The following TRPS1 variants were observed in gnomAD, a reference collection of about 807,000 sequenced individuals.
TRPS1 encodes zinc finger transcription factor Trps1.
A neutral mutation model predicts 101.2 loss-of-function variants in TRPS1; 6 were observed. The ratio of observed to expected loss-of-function variants is 0.06; its 90% CI spans 0.03 to 0.12. The LOEUF is 0.12. Among genes scored for constraint, TRPS1 ranks in the 10% least tolerant of loss-of-function variants. TRPS1 has a pLI of 1.00. For missense variants in TRPS1, 1,363 were observed against 1,567.0 expected (o/e 0.87, Z 2.20); for synonymous variants, 578 against 589.8 (o/e 0.98, Z 0.29).
intron 4 of TRPS1, among the ~76,000 whole-genome samples, chr8:115,588,242 C>A (rs1296910104): frequency 1.3e-5 from 2 of 152,050 alleles, no homozygotes; most frequent in African/African-American, 4.8e-5. Context: ...ATAAAGTGTT[C>A]TTTTCTATCA....
At chr8:115,659,621 A>G (rs4876611) in intron 1 of TRPS1, among the ~76,000 whole-genome samples, 115,484 of 151,738 alleles carry the variant, frequency 0.76, 44,413 homozygotes, top group Middle Eastern at 0.88. Flanking sequence ...AAAAACAAAT[A>G]CAAAACTTTC....
intron 5 of TRPS1, among the ~76,000 whole-genome samples, chr8:115,512,764 G>A (rs543235332): frequency 2.6e-5 from 4 of 151,706 alleles, no homozygotes; most frequent in African/African-American, 9.6e-5. Context: ...GGTCATGTAA[G>A]ACTACTGCAT....
At chr8:115,454,128 A>T (rs1813954628) in intron 5 of TRPS1, among the ~76,000 whole-genome samples, 1 of 152,084 alleles carries the variant, frequency 6.6e-6, no homozygotes, top group Non-Finnish European at 1.5e-5. Context: ...CCTACACCCC[A>T]CAATTTTACA....
intron 5 of TRPS1, among the ~76,000 whole-genome samples, chr8:115,583,117 A>G (rs1817488029): frequency 6.6e-6 from 1 of 152,230 alleles, no homozygotes. Flanking sequence ...TATCAGATAA[A>G]AAGCCAAGTT....
chr8:115,447,406 C>T (rs937345184), intron 5 of TRPS1, among the ~76,000 whole-genome samples: 2 of 152,058 alleles, frequency 1.3e-5, no homozygotes, highest in African/African-American at 4.8e-5. Flanking sequence ...TTTCTTTAAT[C>T]CTACAAAACA....
chr8:115,661,234 T>G (rs947543915), intron 1 of TRPS1, among the ~76,000 whole-genome samples: 1 of 152,024 alleles, frequency 6.6e-6, no homozygotes, highest in Non-Finnish European at 1.5e-5. Context: ...AACAATTGAT[T>G]CATTATGTTT....
Position 115,414,112 on chromosome 8 carries a change from T to C in TRPS1, c.3796A>G (p.Thr1266Ala). 1.2e-6 allele frequency: 2 copies of C among 1,614,008 alleles called. No homozygotes were observed. Among genetic ancestry groups the C allele is most frequent in the Non-Finnish European group, 1.7e-6 (2 of 1,179,926 alleles). Reference protein sequence around the residue: ...FQCSICQHLCTDKYDFTTHIQ... With the variant: ...FQCSICQHLCADKYDFTTHIQ... ...TGTGTTGTGAAGTCATATTTGTCCG[T>C]GCAAAGATGCTGGCATATGCTGCAC... The change falls in exon 7 of 7, where the codon ACG becomes GCG. Residue 1266 changes from threonine to alanine, a missense_variant. By Grantham distance (58) the Thr-to-Ala change is moderately conservative. Transcript: ENST00000395715. This position sits in a 1 kb window ranked among gnomAD's most constrained non-coding sequence, Gnocchi z 4.8.
At chr8:115,647,307 A>G (rs2178951) in intron 1 of TRPS1, among the ~76,000 whole-genome samples, 69,414 of 151,962 alleles carry the variant, frequency 0.46, 17,875 homozygotes, top group African/African-American at 0.69. Flanking sequence ...TACAGAGGGT[A>G]TAAAAAGCAT....
chr8:115,444,626 C>A (rs1439429633), intron 5 of TRPS1, among the ~76,000 whole-genome samples: 2 of 152,136 alleles, frequency 1.3e-5, no homozygotes, highest in South Asian at 4.1e-4. Flanking sequence ...CAAAGAGCAC[C>A]CTTTTTTGGG....
chr8:115,420,156 C>G (rs1437745558), intron 5 of TRPS1, among the ~76,000 whole-genome samples: 1 of 152,156 alleles, frequency 6.6e-6, no homozygotes, highest in East Asian at 1.9e-4. Flanking sequence ...TTTCTACTTC[C>G]CCCCACCCGA....
intron 3 of TRPS1, among the ~76,000 whole-genome samples, chr8:115,615,044 T>G (rs1027808467): frequency 2.0e-5 from 3 of 152,148 alleles, no homozygotes; most frequent in Non-Finnish European, 4.4e-5. Flanking sequence ...GATAAAAATA[T>G]TTACAACACA....
rs1216398931 is a variant in TRPS1 at position 115,412,229 on chromosome 8, A to C, written c.*1794T>G. The C allele has an allele frequency of 6.6e-6, 1 of 151,386 alleles. No homozygotes were observed. The highest frequency in any genetic ancestry group is 2.4e-5 in the African/African-American group (1 of 41,264). The allele number at this position is 151,386 out of a possible 1,614,324, so 9.4% of individuals were successfully genotyped here. A position where few individuals can be genotyped will look rare whatever the true frequency, so the allele number is the denominator to read the frequency against. Reference sequence around the variant, plus strand: ...AATAAGTGCTACCCTTTTTTTCCTAAGTAGGCATAAAAATATTTTCATTTC... The same window carrying C: ...AATAAGTGCTACCCTTTTTTTCCTACGTAGGCATAAAAATATTTTCATTTC... On this transcript the variant is annotated 3_prime_UTR_variant, in exon 7 of 7. Transcript: ENST00000395715.
At chr8:115,509,822 C>A (rs1159731073) in intron 5 of TRPS1, 1 of 151,916 alleles carries the variant, frequency 6.6e-6, no homozygotes, top group Non-Finnish European at 1.5e-5. Flanking sequence ...TTTATCTTTG[C>A]CTTTATCTCC....
chr8:115,535,955 C>G (rs1374847341), intron 5 of TRPS1, among the ~76,000 whole-genome samples: 1 of 151,916 alleles, frequency 6.6e-6, no homozygotes, highest in African/African-American at 2.4e-5. Flanking sequence ...ACATTGCCCA[C>G]TACTACAAAA....
intron 5 of TRPS1, among the ~76,000 whole-genome samples, chr8:115,435,260 G>A (rs906591363): frequency 8.5e-5 from 13 of 152,116 alleles, no homozygotes; most frequent in Admixed American, 2.6e-4. Context: ...GATGTCAATC[G>A]CATTTCTGGA....
chr8:115,603,881 T>C lies in TRPS1; in HGVS notation c.2088A>G (p.Arg696=), dbSNP rs559562389. ...FITQVEEEIS[R]HYRRAHSCYK... ...CACCCCCCATGCCTCACCTGTAGTG[T>C]CGGGAAATCTCTTCTTCCACTTGGG... is the stretch of plus-strand genomic sequence containing the variant. Residue 696 remains arginine (R), a synonymous_variant, in exon 4 of 7, where the codon CGA becomes CGG. Transcript: ENST00000395715. The C allele has an allele frequency of 1.1e-5, 17 of 1,613,978 alleles. No homozygotes were observed. In the South Asian group the frequency reaches 1.5e-4, roughly 15 times the overall value.
At chr8:115,574,640 A>C (rs912295949) in intron 5 of TRPS1, among the ~76,000 whole-genome samples, 1 of 152,152 alleles carries the variant, frequency 6.6e-6, no homozygotes, top group Non-Finnish European at 1.5e-5. Context: ...TTTGTGCACC[A>C]AACACTTCAC....
chr8:115,536,815 T>C (rs1034238445), intron 5 of TRPS1, among the ~76,000 whole-genome samples: 2 of 151,550 alleles, frequency 1.3e-5, no homozygotes, highest in African/African-American at 4.8e-5. Flanking sequence ...TTTTCCCTCT[T>C]AGTGGTGAGA....
At chr8:115,606,548 G>A (rs1467682767) in intron 3 of TRPS1, among the ~76,000 whole-genome samples, 1 of 152,098 alleles carries the variant, frequency 6.6e-6, no homozygotes, top group East Asian at 1.9e-4. Context: ...GTCAATGACA[G>A]AGCATCAACC....
Sources: gnomAD v4.1 joint callset for allele counts (sites outside exome capture counted in the v4.1 genomes callset) on GRCh38, gnomAD v4.1.1 for gene constraint, Gnocchi (gnomAD v3.1) non-coding constraint, MANE v1.5 for transcripts, NCBI Gene and HGNC (gene_info 2026-07-23, HGNC 2026-07-21) for gene names.